The following TMEM108 variants were observed in gnomAD, a reference collection of about 807,000 sequenced individuals.
TMEM108 encodes the protein transmembrane protein 108.
In TMEM108, 12 loss-of-function variants were observed where a neutral mutation model predicts 35.1. The observed-to-expected ratio is 0.34, with a 90% CI of 0.22 to 0.55. The LOEUF (loss-of-function observed/expected upper bound fraction) is 0.55, where lower values mean the gene tolerates loss of function less well. TMEM108 is among the 20% of genes least tolerant of loss of function. The pLI is 0.89. For missense variants in TMEM108, 680 were observed against 753.3 expected (o/e 0.90, Z 1.14); for synonymous variants, 287 against 308.6 (o/e 0.93, Z 0.73).
chr3:133,390,175 C>A lies in TMEM108; in HGVS notation c.1451-5C>A, dbSNP rs772393848. On this transcript the variant is annotated splice_polypyrimidine_tract_variant and splice_region_variant and intron_variant, in intron 4 of 5. Transcript: ENST00000321871. The stretch of plus-strand genomic sequence containing the variant: ...TCTCCTCTCTGACTTGCACTCTCTC[C>A]ATAGCTGTCCTGCTGACGGTGTGCT... The A allele has an allele frequency of 3.1e-6, 5 of 1,613,980 alleles. No individual in the cohort carries two copies. The highest frequency in any genetic ancestry group is 1.3e-5 in the African/African-American group (1 of 74,918).
At chr3:133,388,198 A>G in intron 4 of TMEM108, 1 of 985,432 alleles carries the variant, frequency 1.0e-6, no homozygotes, top group Non-Finnish European at 1.2e-6. Flanking sequence ...CTGTCACACC[A>G]GCTAGAACTC....
In TMEM108 at chr3:133,070,570, A is replaced by T. The variant is rs558323276; in HGVS notation, c.-47+24550A>T. Among the ~76,000 whole-genome samples the T allele has an allele frequency of 5.9e-5, 9 of 152,290 alleles. No homozygotes were observed. The East Asian group carries it at 1.7e-3, about 29-fold the overall frequency. On this transcript the variant is annotated intron_variant, in intron 2 of 5. Transcript: ENST00000321871. Reference sequence around the variant, plus strand: ...TAAAGGAAACACATAATAATCCCTGAAGAGTGTATTAAGAAGAGAGCATGA... The same window carrying T: ...TAAAGGAAACACATAATAATCCCTGTAGAGTGTATTAAGAAGAGAGCATGA...
chr3:133,270,070 C>A (rs1033115754), intron 3 of TMEM108, among the ~76,000 whole-genome samples: 1 of 152,068 alleles, frequency 6.6e-6, no homozygotes, highest in Non-Finnish European at 1.5e-5. Context: ...GCATCATATC[C>A]CCATTTCTCA....
At chr3:133,348,145 A>G (rs2107762649) in intron 3 of TMEM108, among the ~76,000 whole-genome samples, 1 of 152,252 alleles carries the variant, frequency 6.6e-6, no homozygotes. Flanking sequence ...TTTACCAAAA[A>G]TCAAAACATG....
At chr3:133,063,423 G>T (rs6799090) in intron 2 of TMEM108, among the ~76,000 whole-genome samples, 1 of 152,090 alleles carries the variant, frequency 6.6e-6, no homozygotes, top group African/African-American at 2.4e-5. Context: ...CTACCTCTAA[G>T]CCTTGAAGTT....
At chr3:133,193,665 A>G (rs998138761) in intron 2 of TMEM108, among the ~76,000 whole-genome samples, 2 of 152,128 alleles carry the variant, frequency 1.3e-5, no homozygotes, top group African/African-American at 2.4e-5. Flanking sequence ...ATAAATGTTC[A>G]TTTCCTTTGC....
chr3:133,104,712 C>G (rs1944128181), intron 2 of TMEM108, among the ~76,000 whole-genome samples: 1 of 152,172 alleles, frequency 6.6e-6, no homozygotes, highest in Non-Finnish European at 1.5e-5. Context: ...GTTCACCTGC[C>G]TAATCACTGA....
At chr3:133,349,773 CAAAAG>C (rs2071934502) in intron 3 of TMEM108, among the ~76,000 whole-genome samples, 1 of 151,844 alleles carries the variant, frequency 6.6e-6, no homozygotes, top group Non-Finnish European at 1.5e-5. Context: ...TTAAAAGAGA[CAAAAG>C]AAAACAAGTG....
intron 2 of TMEM108, among the ~76,000 whole-genome samples, chr3:133,127,149 C>G (rs891786084): frequency 3.3e-5 from 5 of 152,084 alleles, no homozygotes; most frequent in Admixed American, 2.0e-4. Context: ...TTAAAACTTA[C>G]AGTAGAAAAA....
chr3:133,290,290 T>C (rs1472994922), intron 3 of TMEM108, among the ~76,000 whole-genome samples: 1 of 152,176 alleles, frequency 6.6e-6, no homozygotes, highest in Non-Finnish European at 1.5e-5. Context: ...CTTTTTTGTT[T>C]TCTAACCCTT....
chr3:133,216,229 T>A (rs1945906500), intron 2 of TMEM108, among the ~76,000 whole-genome samples: 1 of 152,134 alleles, frequency 6.6e-6, no homozygotes, highest in South Asian at 2.1e-4. Flanking sequence ...TTTAGTGTTC[T>A]ATGAAATTGA....
chr3:133,277,113 C>T (rs368541572), intron 3 of TMEM108, among the ~76,000 whole-genome samples: 5 of 151,120 alleles, frequency 3.3e-5, no homozygotes, highest in East Asian at 3.9e-4. Flanking sequence ...GTTCTTAGAT[C>T]GAACTCTGGA....
chr3:133,392,965 A>AGTGGC (rs1281674147), intron 5 of TMEM108, among the ~76,000 whole-genome samples: 1 of 152,142 alleles, frequency 6.6e-6, no homozygotes, highest in African/African-American at 2.4e-5. Flanking sequence ...TCCACTTTCA[A>AGTGGC]GTGGCTCTTC....
rs764253572 is a variant in TMEM108, at chr3:133,380,609, G to A, written c.898G>A (p.Ala300Thr). ...CACCAGCCAAGGAGGGACACCAGAT[G>A]CCACAGCAGCCTCAGGTGCCCCTGT... ...TFTSQGGTPD[A>T]TAASGAPVSP... is the part of the protein sequence containing the mutation. Residue 300 changes from alanine (A) to threonine (T), a missense_variant, in exon 4 of 6, where the codon GCC (alanine) becomes ACC (threonine). Ala to Thr is a moderately conservative substitution (Grantham distance 58, BLOSUM62 0). Around this residue, in one of 3 missense-constraint regions of TMEM108, gnomAD observed 526 missense variants for 532.1 expected, o/e 0.99. Transcript: ENST00000321871. This position sits in a 1 kb window ranked among gnomAD's most constrained non-coding sequence, Gnocchi z 5.3. 3 of 1,613,396 alleles carry A rather than the reference G, an allele frequency of 1.9e-6. No individual in the cohort carries two copies. The highest frequency in any genetic ancestry group is 1.1e-5 in the South Asian group (1 of 90,968).
At chr3:133,158,891 G>T (rs1298251435) in intron 2 of TMEM108, among the ~76,000 whole-genome samples, 2 of 152,180 alleles carry the variant, frequency 1.3e-5, no homozygotes. Context: ...GCCAATCAAG[G>T]TTTGTGAACA....
chr3:133,039,946 A>T (rs780281017), intron 1 of TMEM108, among the ~76,000 whole-genome samples: 4 of 152,166 alleles, frequency 2.6e-5, no homozygotes, highest in Admixed American at 1.3e-4. Context: ...ACTAGGCAAG[A>T]TAAATATATT....
intron 2 of TMEM108, among the ~76,000 whole-genome samples, chr3:133,165,573 C>T (rs1252288113): frequency 1.3e-5 from 2 of 152,166 alleles, no homozygotes; most frequent in Non-Finnish European, 2.9e-5. Context: ...ATGTGTGTTT[C>T]AGTCTGTTTT....
intron 2 of TMEM108, among the ~76,000 whole-genome samples, chr3:133,220,697 A>G (rs891739868): frequency 1.3e-5 from 2 of 152,176 alleles, no homozygotes; most frequent in South Asian, 2.1e-4. Context: ...TGAGTATCCT[A>G]TAATTCAATT....
intron 2 of TMEM108, among the ~76,000 whole-genome samples, chr3:133,133,330 T>C (rs1030755199): frequency 6.6e-6 from 1 of 152,178 alleles, no homozygotes; most frequent in African/African-American, 2.4e-5. Context: ...AGCAAAAAGA[T>C]TACAACTCAC....
Sources: gnomAD v4.1 joint callset for allele counts (sites outside exome capture counted in the v4.1 genomes callset) on GRCh38, gnomAD v4.1.1 for gene constraint, gnomAD v4.1.1 regional missense constraint, Gnocchi (gnomAD v3.1) non-coding constraint, MANE v1.5 for transcripts, NCBI Gene and HGNC (gene_info 2026-07-23, HGNC 2026-07-21) for gene names.